The following PALLD variants were observed in gnomAD, a reference collection of about 807,000 sequenced individuals.
PALLD encodes palladin.
PALLD carries 61 observed loss-of-function variants against 123.5 expected under a neutral mutation model. The observed-to-expected ratio is 0.49, with a 90% confidence interval of 0.40 to 0.61. The LOEUF (loss-of-function observed/expected upper bound fraction) is 0.61, where lower values mean the gene tolerates loss of function less well. Ranked by LOEUF, PALLD falls within the 20% of genes least tolerant of loss-of-function variation. PALLD has a pLI of 0.00. For synonymous variants in PALLD, 465 were observed against 496.4 expected (o/e 0.94, Z 0.84); for missense variants, 1,273 against 1,377.0 (o/e 0.92, Z 1.20).
intron 8 of PALLD, among the ~76,000 whole-genome samples, chr4:168,698,018 G>A (rs1470381794): frequency 2.0e-5 from 3 of 152,158 alleles, no homozygotes; most frequent in Non-Finnish European, 4.4e-5. Flanking sequence ...ACATATACTC[G>A]ATGGAGTACT....
At chr4:168,637,381 C>A (rs890017757) in intron 2 of PALLD, among the ~76,000 whole-genome samples, 2 of 152,054 alleles carry the variant, frequency 1.3e-5, no homozygotes, top group Admixed American at 6.6e-5. Context: ...TACCAGCAAG[C>A]ACAGCAAGTT....
At chr4:168,526,590 A>G (rs552003556) in intron 2 of PALLD, among the ~76,000 whole-genome samples, 3 of 152,240 alleles carry the variant, frequency 2.0e-5, no homozygotes, top group East Asian at 3.9e-4. Context: ...AGGTAGGTCT[A>G]CAGAAACACA....
chr4:168,920,942 T>C lies in PALLD; in HGVS notation c.2851-592T>C, dbSNP rs138982522. 7.4e-4 allele frequency among the ~76,000 whole-genome samples: 113 copies of C among 152,254 alleles called. 1 individual carries two copies. The East Asian group carries it at 0.011, about 15-fold the overall frequency. On this transcript the variant is annotated intron_variant, in intron 17 of 21. Transcript: ENST00000505667. The stretch of plus-strand genomic sequence containing the variant: ...CCTGGTGCTGATATCATCCCATTAA[T>C]CTCCATAGCCCTGGGCAAGGTAAGA...
chr4:168,536,581 C>A (rs991495985), intron 2 of PALLD: 1 of 150,382 alleles, frequency 6.6e-6, no homozygotes, highest in Non-Finnish European at 1.5e-5. Context: ...AAGCAAGACA[C>A]CTTCCACACA....
rs141155457 is a variant in PALLD, at chr4:168,915,896, C to G, written c.2719C>G (p.Pro907Ala). 1.4e-5 allele frequency: 23 copies of G among 1,611,752 alleles called. No individual in the cohort carries two copies. The highest frequency in any genetic ancestry group is 1.1e-4 in the African/African-American group (8 of 74,858). ...SPSGHPHVRR[P>A]RSRSRDSGDE... Reference sequence around the variant, plus strand: ...ATCTGTCATCTTTCTTGTTTCAAGGCCTCGTTCTAGATCAAGGGACAGTGG... The same window carrying G: ...ATCTGTCATCTTTCTTGTTTCAAGGGCTCGTTCTAGATCAAGGGACAGTGG... The change falls in exon 17 of 22, where the codon CCT becomes GCT. Residue 907 changes from proline (P) to alanine (A), a missense_variant and splice_region_variant. Transcript: ENST00000505667.
At chr4:168,688,463 G>C (rs980279536) in intron 6 of PALLD, among the ~76,000 whole-genome samples, 1 of 152,186 alleles carries the variant, frequency 6.6e-6, no homozygotes, top group Non-Finnish European at 1.5e-5. Context: ...ACAATGTCAG[G>C]TGGACTTGAT....
chr4:168,680,823 T>A (rs1297717004), intron 3 of PALLD, among the ~76,000 whole-genome samples: 1 of 152,202 alleles, frequency 6.6e-6, no homozygotes, highest in African/African-American at 2.4e-5. Flanking sequence ...TGACCCTTTA[T>A]TTAAGAACAG....
chr4:168,666,311 C>A (rs1448131240), intron 2 of PALLD, among the ~76,000 whole-genome samples: 2 of 152,176 alleles, frequency 1.3e-5, no homozygotes, highest in Non-Finnish European at 2.9e-5. Context: ...TGTAGAAACA[C>A]TCTAATTCAC....
chr4:168,921,687 A>G lies in PALLD; in HGVS notation c.3004A>G (p.Ile1002Val). Residue 1002 changes from isoleucine to valine, a missense_variant, in exon 18 of 22, where the codon ATA (isoleucine) becomes GTA (valine). Around this residue, in one of 2 missense-constraint regions of PALLD, gnomAD observed 329 missense variants for 422.5 expected, o/e 0.78. Transcript: ENST00000505667. ...ACGTGATGCCGGCATCTACACATGT[A>G]TAGCTACCAACCGAGCAGGACAGAA... ...TSRDAGIYTC[I>V]ATNRAGQNSF... 1 of 1,611,638 alleles carries G rather than the reference A, an allele frequency of 6.2e-7. No individual in the cohort carries two copies. The highest frequency in any genetic ancestry group is 2.2e-5 in the East Asian group (1 of 44,836).
rs533760129 is a variant in PALLD at position 168,724,104 on chromosome 4, A to C, written c.1964+12181A>C. On this transcript the variant is annotated intron_variant, in intron 10 of 21. Transcript: ENST00000505667. Reference sequence around the variant, plus strand: ...GAGACAGGGTTTCACCACGTTGACCAGGATGGTCTTGATCTCTTGACCTCG... The same window carrying C: ...GAGACAGGGTTTCACCACGTTGACCCGGATGGTCTTGATCTCTTGACCTCG... Among the ~76,000 whole-genome samples, 5 of 152,264 alleles carry C rather than the reference A, an allele frequency of 3.3e-5. No individual in the cohort carries two copies. In the East Asian group the frequency reaches 9.6e-4, roughly 29 times the overall value.
Position 168,511,490 on chromosome 4 carries a change from G to A in PALLD, c.-15G>A. 1 of 1,606,582 alleles carries A rather than the reference G, an allele frequency of 6.2e-7. No individual in the cohort carries two copies. The highest frequency in any genetic ancestry group is 8.5e-7 in the Non-Finnish European group (1 of 1,173,508). On this transcript the variant is annotated 5_prime_UTR_variant, in exon 2 of 22. It removes an upstream start codon present in the reference 5' UTR. Transcript: ENST00000505667. ...TACTGAAAGCAGACACAGAGTGCAT[G>A]AAGACCGTTCAAATATGTCAGGGAC...
At chr4:168,626,880 C>T (rs1775351090) in intron 2 of PALLD, among the ~76,000 whole-genome samples, 1 of 152,106 alleles carries the variant, frequency 6.6e-6, no homozygotes, top group Non-Finnish European at 1.5e-5. Context: ...GTATGATTTG[C>T]GGTGATTAAA....
chr4:168,702,891 T>TTTA (rs1783817155), intron 8 of PALLD, among the ~76,000 whole-genome samples: 2 of 140,360 alleles, frequency 1.4e-5, no homozygotes, highest in South Asian at 2.3e-4. Flanking sequence ...TATTTATTTA[T>TTTA]TTTATTTATT....
chr4:168,525,299 A>G (rs1034280377), intron 2 of PALLD, among the ~76,000 whole-genome samples: 2 of 152,226 alleles, frequency 1.3e-5, no homozygotes, highest in African/African-American at 4.8e-5. Flanking sequence ...TTGAACAGGG[A>G]GCTAAGAGGG....
At chr4:168,919,315 G>A (rs1760922152) in intron 17 of PALLD, among the ~76,000 whole-genome samples, 1 of 152,126 alleles carries the variant, frequency 6.6e-6, no homozygotes, top group African/African-American at 2.4e-5. Flanking sequence ...CCTGAGGTCA[G>A]GAATCCGAGA....
At chr4:168,891,958 T>C (rs1489316951) in intron 11 of PALLD, among the ~76,000 whole-genome samples, 2 of 152,144 alleles carry the variant, frequency 1.3e-5, no homozygotes, top group African/African-American at 4.8e-5. Flanking sequence ...CAAAATCTTG[T>C]TCTGGTTTGT....
At chr4:168,923,114 G>C (rs1458149117) in intron 18 of PALLD, among the ~76,000 whole-genome samples, 1 of 152,210 alleles carries the variant, frequency 6.6e-6, no homozygotes, top group Non-Finnish European at 1.5e-5. Context: ...TATTCTTACT[G>C]ATGAGTTGCT....
intron 8 of PALLD, among the ~76,000 whole-genome samples, chr4:168,707,556 G>C (rs758054690): frequency 2.0e-5 from 3 of 152,186 alleles, no homozygotes; most frequent in African/African-American, 7.2e-5. Flanking sequence ...AACAGGCCAG[G>C]CCTCTCAAGG....
At chr4:168,735,231 C>T (rs1349659801) in intron 10 of PALLD, among the ~76,000 whole-genome samples, 1 of 152,154 alleles carries the variant, frequency 6.6e-6, no homozygotes, top group Non-Finnish European at 1.5e-5. Flanking sequence ...GCACCACAGA[C>T]TAGACTGCCT....
Sources: allele counts gnomAD v4.1 joint callset (sites outside exome capture counted in the v4.1 genomes callset), GRCh38; gene constraint gnomAD v4.1.1; regional missense constraint gnomAD v4.1.1; transcripts MANE v1.5; gene names NCBI Gene and HGNC (gene_info 2026-07-23, HGNC 2026-07-21).